NOL10: variants seen among roughly 807,000 people sequenced by gnomAD.
NOL10 encodes nucleolar protein 10, also known as H_NH0074G24.1.
In NOL10, 58 loss-of-function variants were observed where a neutral mutation model predicts 103.5. The observed-to-expected ratio is 0.56, with a 90% CI of 0.45 to 0.70. NOL10 has a LOEUF of 0.70. Among genes scored for constraint, NOL10 ranks in the 30% least tolerant of loss-of-function variants. The pLI, the probability that NOL10 is intolerant of heterozygous loss-of-function variation, is 0.00. For synonymous variants in NOL10, 287 were observed against 282.5 expected (o/e 1.02, Z -0.16); for missense variants, 763 against 807.3 (o/e 0.95, Z 0.67).
intron 9 of NOL10, among the ~76,000 whole-genome samples, chr2:10,660,053 C>T (rs937248033): frequency 1.3e-5 from 2 of 151,980 alleles, no homozygotes; most frequent in African/African-American, 2.4e-5. Flanking sequence ...GAGTGCTAGG[C>T]GATGAGTCAG....
At chr2:10,584,673 A>G (rs1003808765) in intron 19 of NOL10, among the ~76,000 whole-genome samples, 3 of 152,232 alleles carry the variant, frequency 2.0e-5, no homozygotes, top group Non-Finnish European at 4.4e-5. Context: ...ATACTCATGT[A>G]AATATTATCA....
chr2:10,601,889 CTT>C (rs924325652), intron 16 of NOL10, among the ~76,000 whole-genome samples: 12 of 152,186 alleles, frequency 7.9e-5, no homozygotes, highest in Admixed American at 7.9e-4. Context: ...AGTCACTAGT[CTT>C]TTATAGTGAC....
At chr2:10,586,704 A>G (rs1281600352) in intron 19 of NOL10, among the ~76,000 whole-genome samples, 2 of 152,040 alleles carry the variant, frequency 1.3e-5, no homozygotes, top group East Asian at 3.8e-4. Context: ...CATGAAGACA[A>G]CAAGGATGAA....
chr2:10,664,703 T>C (rs1037604305), intron 8 of NOL10, among the ~76,000 whole-genome samples: 19 of 152,136 alleles, frequency 1.2e-4, no homozygotes, highest in Admixed American at 1.1e-3. Context: ...GCCTGTCTAA[T>C]TTTTGGATTT....
intron 3 of NOL10, among the ~76,000 whole-genome samples, chr2:10,677,230 T>A (rs57309175): frequency 0.021 from 3,235 of 152,162 alleles, 139 homozygotes; most frequent in African/African-American, 0.073. Context: ...TTAGCCACCA[T>A]GCCTGGCCTA....
At chr2:10,675,910 CTT>C (rs1339388179) in intron 3 of NOL10, 39 bp from the exon 4 acceptor site, 2 of 1,116,758 alleles carry the variant, frequency 1.8e-6, no homozygotes, top group African/African-American at 3.1e-5. Context: ...TAAAGACATA[CTT>C]TCATAGTCAA....
intron 2 of NOL10, among the ~76,000 whole-genome samples, chr2:10,683,114 C>T (rs959460049): frequency 5.3e-5 from 8 of 152,060 alleles, no homozygotes; most frequent in Non-Finnish European, 7.4e-5. Flanking sequence ...GAAACTGCTA[C>T]GAAGCTGACT....
chr2:10,677,169 G>A (rs1264342283), intron 3 of NOL10, among the ~76,000 whole-genome samples: 1 of 151,986 alleles, frequency 6.6e-6, no homozygotes, highest in African/African-American at 2.4e-5. Flanking sequence ...GAACTCCTGA[G>A]TTCAGGTGAT....
intron 3 of NOL10, among the ~76,000 whole-genome samples, chr2:10,680,450 T>C (rs1342978595): frequency 1.3e-5 from 2 of 151,878 alleles, no homozygotes; most frequent in East Asian, 3.9e-4. Context: ...TAGAGGACGA[T>C]TTCATAAAAG....
intron 13 of NOL10, among the ~76,000 whole-genome samples, chr2:10,626,220 A>C (rs1677455095): frequency 6.6e-6 from 1 of 152,154 alleles, no homozygotes; most frequent in Non-Finnish European, 1.5e-5. Flanking sequence ...AAAAGGGTCA[A>C]TATTCATTAC....
chr2:10,623,660 A>C (rs1677276773), intron 13 of NOL10, among the ~76,000 whole-genome samples: 1 of 152,178 alleles, frequency 6.6e-6, no homozygotes, highest in South Asian at 2.1e-4. Context: ...AAAGATGCTC[A>C]CTAAGTGTTT....
chr2:10,611,510 G>A (rs1223305169), intron 13 of NOL10, among the ~76,000 whole-genome samples: 2 of 152,250 alleles, frequency 1.3e-5, no homozygotes, highest in African/African-American at 4.8e-5. Context: ...GGGGCCAGGT[G>A]CAATGGCTCA....
At chr2:10,644,498 C>A in intron 12 of NOL10, 126 bp from the exon 13 acceptor site, 1 of 538,754 alleles carries the variant, frequency 1.9e-6, no homozygotes, top group Non-Finnish European at 3.2e-6. Flanking sequence ...TAGTATTTCC[C>A]ACAAAATGTC....
intron 9 of NOL10, among the ~76,000 whole-genome samples, chr2:10,661,245 T>C (rs1378266490): frequency 6.6e-6 from 1 of 151,688 alleles, no homozygotes; most frequent in African/African-American, 2.4e-5. Flanking sequence ...CCAGCTAATT[T>C]TGTATTTTTA....
At chr2:10,625,006 G>GA (rs1303426774) in intron 13 of NOL10, among the ~76,000 whole-genome samples, 21 of 152,168 alleles carry the variant, frequency 1.4e-4, no homozygotes, top group African/African-American at 5.1e-4. Context: ...AGGATTAAGT[G>GA]AAAGAAGCCA....
At chr2:10,654,375 G>C in intron 12 of NOL10, 106 bp downstream of exon 12, 3 of 787,356 alleles carry the variant, frequency 3.8e-6, no homozygotes, top group Non-Finnish European at 4.0e-6. Flanking sequence ...AATAAAATGG[G>C]TTTAAAACCT....
intron 6 of NOL10, among the ~76,000 whole-genome samples, chr2:10,669,891 AAATAATAAT>A (rs371037850): frequency 0.015 from 2,211 of 150,134 alleles, 76 homozygotes; most frequent in African/African-American, 0.051. Context: ...ACTCCATCTC[AAATAATAAT>A]AATAATAATA....
intron 18 of NOL10, 34 bp downstream of exon 18, chr2:10,589,543 CA>C: frequency 6.8e-7 from 1 of 1,462,934 alleles, no homozygotes; most frequent in Non-Finnish European, 9.2e-7. Context: ...ATTAAAGAAA[CA>C]GTAGCAAATT....
At chr2:10,591,264 A>T (rs1174599970) in intron 17 of NOL10, among the ~76,000 whole-genome samples, 3 of 152,190 alleles carry the variant, frequency 2.0e-5, no homozygotes, top group Non-Finnish European at 4.4e-5. Flanking sequence ...AAGAAAAAAC[A>T]CTGCAAACAC....
Sources: allele counts gnomAD v4.1 joint callset (sites outside exome capture counted in the v4.1 genomes callset), GRCh38; gene constraint gnomAD v4.1.1; transcripts MANE v1.5; gene names NCBI Gene and HGNC (gene_info 2026-07-23, HGNC 2026-07-21).